TMEM8B: variants seen among roughly 807,000 people sequenced by gnomAD.
TMEM8B encodes the protein transmembrane protein 8B.
In TMEM8B, 29 loss-of-function variants were observed where a neutral mutation model predicts 49.3. The ratio of observed to expected loss-of-function variants is 0.59; its 90% CI spans 0.44 to 0.80. The LOEUF (loss-of-function observed/expected upper bound fraction) is 0.80, where lower values mean the gene tolerates loss of function less well. Ranked by LOEUF, TMEM8B falls within the 30% of genes least tolerant of loss-of-function variation. The pLI, the probability that TMEM8B is intolerant of heterozygous loss-of-function variation, is 0.00. For synonymous variants in TMEM8B, 264 were observed against 272.8 expected, an observed-to-expected ratio of 0.97 and a Z score of 0.32; for missense variants, 575 against 658.5, an observed-to-expected ratio of 0.87 and a Z score of 1.39.
chr9:35,847,255 A>T, intron 10 of TMEM8B: 1 of 1,051,022 alleles, frequency 9.5e-7, no homozygotes, highest in South Asian at 1.4e-5. Context: ...CACTCTGTCC[A>T]CCCTGAGGGC....
In TMEM8B at chr9:35,852,807, C is replaced by T. The variant is rs768074542; in HGVS notation, c.2176-20C>T. On this transcript the variant is annotated intron_variant, in intron 10 of 12. Coordinates refer to ENST00000643932, the MANE Select transcript of TMEM8B (RefSeq NM_001042590.4). ...ACCTCTGCCTCAAGTTCTCTCAATG[C>T]CTGTCATTTCTTCCTTCAGTTCTAT... 1.2e-6 allele frequency: 2 copies of T among 1,613,982 alleles called. No homozygotes were observed. Among genetic ancestry groups the T allele is most frequent in the Admixed American group, 3.3e-5 (2 of 60,012 alleles).
chr9:35,845,882 G>C, intron 6 of TMEM8B, 93 bp from the exon 7 acceptor site: 3 of 1,605,412 alleles, frequency 1.9e-6, no homozygotes, highest in Non-Finnish European at 2.6e-6. Flanking sequence ...GCTGTCCTTG[G>C]AAGGTGTGGG....
chr9:35,835,726 A>G (rs1479492779), intron 3 of TMEM8B, among the ~76,000 whole-genome samples: 1 of 152,216 alleles, frequency 6.6e-6, no homozygotes, highest in Non-Finnish European at 1.5e-5. Context: ...AGAAGACCAC[A>G]AGAGAAGCTC....
In TMEM8B at chr9:35,842,983, C is replaced by G. The variant is rs149299276; in HGVS notation, c.1635+266C>G. On this transcript the variant is annotated intron_variant, in intron 6 of 12. Coordinates refer to ENST00000643932, the MANE Select transcript of TMEM8B (RefSeq NM_001042590.4). This position sits in a 1 kb window ranked among gnomAD's most constrained non-coding sequence, Gnocchi z 5.6. ...GGCTCACTTCCTGCTCATTACTGGC[C>G]TTTCACTACGGTAGTTGTTAACCTT... is the stretch of plus-strand genomic sequence containing the variant. 2.7e-4 allele frequency among the ~76,000 whole-genome samples: 41 copies of G among 152,302 alleles called. No individual in the cohort carries two copies. The highest frequency in any genetic ancestry group is 4.9e-4 in the Non-Finnish European group (33 of 68,028).
rs545015950 is a variant in TMEM8B, at chr9:35,853,546, G to A, written c.2481G>A (p.Thr827=). 29 of 1,614,138 alleles carry A rather than the reference G, an allele frequency of 1.8e-5. No individual in the cohort carries two copies. The South Asian group carries it at 2.0e-4, about 11-fold the overall frequency. ...SVRRRHCYPP[T]WRRWLFYLCP... ...GCCGCCGGCACTGCTACCCACCCAC[G>A]TGGCGCCGCTGGCTTTTCTACTTGT... Residue 827 remains threonine (T), a synonymous_variant, in exon 13 of 13, where the codon ACG becomes ACA. Transcript: ENST00000643932. The surrounding 1 kb of genome is among the most constrained non-coding windows in gnomAD (Gnocchi z 4.2).
intron 10 of TMEM8B, among the ~76,000 whole-genome samples, chr9:35,847,969 G>A (rs148591378): frequency 6.6e-6 from 1 of 152,346 alleles, no homozygotes; most frequent in African/African-American, 2.4e-5. Flanking sequence ...ATGCATGTGA[G>A]CACTGCAAAA....
At chr9:35,852,765 C>G in intron 10 of TMEM8B, 62 bp from the exon 11 acceptor site, 2 of 1,604,256 alleles carry the variant, frequency 1.2e-6, no homozygotes, top group Admixed American at 1.7e-5. Context: ...CCCACCCCTC[C>G]GGTTTTGTAG....
rs1057120334 is a variant in TMEM8B at position 35,846,683 on chromosome 9, G to A, written c.1996+72G>A. 3.2e-6 allele frequency: 5 copies of A among 1,544,092 alleles called. No individual in the cohort carries two copies. The East Asian group carries it at 6.8e-5, about 21-fold the overall frequency. ...CCTGCTGGGCCTGTGGGCAGGCGGC[G>A]GGAGTAGGGGAGTGCGCAGCCTGAA... is the stretch of plus-strand genomic sequence containing the variant. On this transcript the variant is annotated intron_variant, in intron 9 of 12. Coordinates refer to ENST00000643932, the MANE Select transcript of TMEM8B (RefSeq NM_001042590.4).
In TMEM8B at chr9:35,845,955, T is replaced by A. The variant is rs371088509; in HGVS notation, c.1636-20T>A. 9 of 1,613,612 alleles carry A rather than the reference T, an allele frequency of 5.6e-6. No individual in the cohort carries two copies. Among genetic ancestry groups the A allele is most frequent in the Non-Finnish European group, 6.8e-6 (8 of 1,179,772 alleles). On this transcript the variant is annotated intron_variant, in intron 6 of 12. Transcript: ENST00000643932. The stretch of plus-strand genomic sequence containing the variant: ...AGATGGAGGATGTGGCGGCCTCACT[T>A]CCATACCTGCCCTCCCCAGAGCTCC...
Position 35,846,452 on chromosome 9 carries a change from T to G in TMEM8B, c.1854-17T>G. ...GGGGTGGCCCGGGGCCCCAGGTGACTGCGAGTTTGTGCGCAGGTTCGTGCG... is the reference window on the plus strand; with the variant it reads ...GGGGTGGCCCGGGGCCCCAGGTGACGGCGAGTTTGTGCGCAGGTTCGTGCG... On this transcript the variant is annotated splice_polypyrimidine_tract_variant and intron_variant, in intron 8 of 12. Transcript: ENST00000643932. The G allele has an allele frequency of 6.3e-7, 1 of 1,596,256 alleles. No individual in the cohort carries two copies. The highest frequency in any genetic ancestry group is 8.5e-7 in the Non-Finnish European group (1 of 1,170,748).
chr9:35,852,872 A>G lies in TMEM8B; in HGVS notation c.2221A>G (p.Met741Val), dbSNP rs1832276200. 1.9e-6 allele frequency: 3 copies of G among 1,613,988 alleles called. No homozygotes were observed. The highest frequency in any genetic ancestry group is 1.3e-5 in the African/African-American group (1 of 74,894). Residue 741 changes from methionine (M) to valine (V), a missense_variant, in exon 11 of 13, where the codon ATG becomes GTG. Coordinates refer to ENST00000643932, the MANE Select transcript of TMEM8B (RefSeq NM_001042590.4). ...GCCAGGCATCGTGGTTTTCTGCATC[A>G]TGGACTACGATGTGCTGCAGTTCTG... ...DQPGIVVFCI[M>V]DYDVLQFCDF...
intron 1 of TMEM8B, chr9:35,833,197 C>T (rs762485948): frequency 2.4e-5 from 10 of 421,198 alleles, no homozygotes; most frequent in Non-Finnish European, 2.9e-5. Flanking sequence ...TCTCCCATCT[C>T]CAGAGAGGGA....
chr9:35,842,614 C>T lies in TMEM8B; in HGVS notation c.1532C>T (p.Pro511Leu), dbSNP rs1214970958. The T allele has an allele frequency of 6.2e-7, 1 of 1,614,238 alleles. No homozygotes were observed. Reference protein sequence around the residue: ...FSVHFYIFFGPSVALPPERPA... With the variant: ...FSVHFYIFFGLSVALPPERPA... ...GTCCACTTCTACATCTTCTTTGGCC[C>T]AAGTGTGGCCCTTCCCCCTGAGCGC... Residue 511 changes from proline (P) to leucine (L), a missense_variant, in exon 6 of 13, where the codon CCA (proline) becomes CTA (leucine). By Grantham distance (98) the Pro-to-Leu change is moderately conservative (BLOSUM62 -3). Coordinates refer to ENST00000643932, the MANE Select transcript of TMEM8B (RefSeq NM_001042590.4). The surrounding 1 kb of genome is among the most constrained non-coding windows in gnomAD (Gnocchi z 5.6).
intron 1 of TMEM8B, among the ~76,000 whole-genome samples, chr9:35,830,744 C>G (rs1829795882): frequency 6.6e-6 from 1 of 152,234 alleles, no homozygotes; most frequent in Non-Finnish European, 1.5e-5. Context: ...TCTCCCCGGT[C>G]TGCCCACAAG....
chr9:35,838,060 G>C (rs1013203372), intron 3 of TMEM8B, among the ~76,000 whole-genome samples: 1 of 152,206 alleles, frequency 6.6e-6, no homozygotes, highest in Non-Finnish European at 1.5e-5. Flanking sequence ...AAAGGATTCT[G>C]TTGAATCCAC....
chr9:35,833,486 G>C, intron 1 of TMEM8B: 1 of 359,190 alleles, frequency 2.8e-6, no homozygotes, highest in Non-Finnish European at 3.9e-6. Context: ...AGCTATTCTA[G>C]TCCCTTGCCT....
rs1297133592 is a variant in TMEM8B, at chr9:35,852,988, G to A, written c.2322+15G>A. The A allele has an allele frequency of 6.2e-7, 1 of 1,614,038 alleles. No individual in the cohort carries two copies. On this transcript the variant is annotated intron_variant, in intron 11 of 12. Coordinates refer to ENST00000643932, the MANE Select transcript of TMEM8B (RefSeq NM_001042590.4). ...TGGTCAAGCAGGTCAGTCCAGAGTG[G>A]GCCCTGGGGAACAACCATGGCCAAG...
chr9:35,846,666 G>A, intron 9 of TMEM8B, 55 bp downstream of exon 9: 1 of 1,562,126 alleles, frequency 6.4e-7, no homozygotes, highest in Non-Finnish European at 8.7e-7. Context: ...GACCTGCTGG[G>A]CCTGTGGGCA....
intron 1 of TMEM8B, among the ~76,000 whole-genome samples, chr9:35,834,047 C>CACAT (rs1014662802): frequency 1.3e-5 from 2 of 150,984 alleles, no homozygotes; most frequent in African/African-American, 2.4e-5. Flanking sequence ...CACACACACA[C>CACAT]ACACACACAC....
Sources: allele counts gnomAD v4.1 joint callset (sites outside exome capture counted in the v4.1 genomes callset), GRCh38; gene constraint gnomAD v4.1.1; non-coding constraint Gnocchi (gnomAD v3.1); transcripts MANE v1.5; gene names NCBI Gene and HGNC (gene_info 2026-07-23, HGNC 2026-07-21).